ZNF428: variants seen among roughly 807,000 people sequenced by gnomAD.
ZNF428 encodes enzyme-like protein PIT13.
A neutral mutation model predicts 15.6 loss-of-function variants in ZNF428; 5 were observed. The observed-to-expected ratio is 0.32, with a 90% CI of 0.17 to 0.67. The LOEUF is 0.67. Ranked by LOEUF, ZNF428 falls within the 30% of genes least tolerant of loss-of-function variation. ZNF428 has a pLI of 0.73. For synonymous variants in ZNF428, 97 were observed against 102.2 expected (o/e 0.95, Z 0.31); for missense variants, 237 against 256.0 (o/e 0.93, Z 0.51).
intron 1 of ZNF428, among the ~76,000 whole-genome samples, chr19:43,615,381 GCCA>G (rs1973361883): frequency 6.6e-6 from 1 of 151,980 alleles, no homozygotes; most frequent in African/African-American, 2.4e-5. Context: ...ACAGGCGTGA[GCCA>G]CCACACCCGA....
chr19:43,612,289 C>T lies in ZNF428; in HGVS notation c.76+1940G>A. The T allele has an allele frequency of 6.4e-7, 1 of 1,551,700 alleles. No homozygotes were observed. The highest frequency in any genetic ancestry group is 1.2e-5 in the South Asian group (1 of 84,056). ...AACCAGCGACATCCCGTAACTCAGT[C>T]ATGAGCCCAAGCAGTTCCAAGTCCA... On this transcript the variant is annotated intron_variant, in intron 2 of 2. Coordinates refer to ENST00000300811, the MANE Select transcript of ZNF428 (RefSeq NM_182498.4). This position sits in a 1 kb window ranked among gnomAD's most constrained non-coding sequence, Gnocchi z 4.2.
intron 1 of ZNF428, among the ~76,000 whole-genome samples, chr19:43,617,908 T>C (rs1269787466): frequency 6.6e-6 from 1 of 151,922 alleles, no homozygotes; most frequent in Non-Finnish European, 1.5e-5. Context: ...GTCGCCCAGG[T>C]TGGAGCGCAG....
chr19:43,612,964 C>A lies in ZNF428; in HGVS notation c.76+1265G>T. 6.4e-7 allele frequency: 1 copy of A among 1,551,694 alleles called. No individual in the cohort carries two copies. On this transcript the variant is annotated intron_variant, in intron 2 of 2. Coordinates refer to ENST00000300811, the MANE Select transcript of ZNF428 (RefSeq NM_182498.4). The surrounding 1 kb of genome is among the most constrained non-coding windows in gnomAD (Gnocchi z 4.2). The stretch of plus-strand genomic sequence containing the variant: ...GCACCCGCAGCAGGCCGCAAAGTCA[C>A]AGCCAATCTAGAAGCCCCAGAAGGT...
rs1600086303 is a variant in ZNF428 at position 43,611,966 on chromosome 19, A to C, written c.76+2263T>G. ...TGGGACCCCTCCCCTCTCTCCTCCCACCTCTGACTTCATACCACTCACCCT... is the reference window on the plus strand; with the variant it reads ...TGGGACCCCTCCCCTCTCTCCTCCCCCCTCTGACTTCATACCACTCACCCT... On this transcript the variant is annotated intron_variant, in intron 2 of 2. Transcript: ENST00000300811. 6.3e-6 allele frequency: 4 copies of C among 637,914 alleles called. No homozygotes were observed. In the South Asian group the frequency reaches 7.8e-5, roughly 12 times the overall value. 39.5% of individuals were successfully genotyped at this position (637,914 alleles called of 1,614,324 possible).
rs1460495743 is a variant in ZNF428 at position 43,607,895 on chromosome 19, C to T, written c.289G>A (p.Gly97Ser). 6.4e-7 allele frequency: 1 copy of T among 1,562,444 alleles called. No homozygotes were observed. Among genetic ancestry groups the T allele is most frequent in the Admixed American group, 1.9e-5 (1 of 51,538 alleles). The change falls in exon 3 of 3, where the codon GGC (glycine) becomes AGC (serine). Residue 97 changes from glycine to serine, a missense_variant. Physicochemically the swap from Gly to Ser is moderately conservative, Grantham distance 56 (BLOSUM62 0). Coordinates refer to ENST00000300811, the MANE Select transcript of ZNF428 (RefSeq NM_182498.4). This position sits in a 1 kb window ranked among gnomAD's most constrained non-coding sequence, Gnocchi z 5.1. ...GGGGCCTCCCCAAGGGGTGAGCGGC[C>T]ACAGAGCTGGCAAGGCTGGGCCGGG... ...QPPAQPCQLC[G>S]RSPLGEAPPG...
intron 2 of ZNF428, chr19:43,613,443 G>T: frequency 6.5e-7 from 1 of 1,545,010 alleles, no homozygotes; most frequent in South Asian, 1.2e-5. Context: ...AGCCGATCTA[G>T]AAGTCCCTAC....
chr19:43,610,545 G>A (rs1352255256), intron 2 of ZNF428, among the ~76,000 whole-genome samples: 1 of 152,014 alleles, frequency 6.6e-6, no homozygotes, highest in Non-Finnish European at 1.5e-5. Context: ...ATTTACTTGT[G>A]TGTTTGTTTA....
At chr19:43,611,606 C>T (rs976505785) in intron 2 of ZNF428, among the ~76,000 whole-genome samples, 2 of 152,166 alleles carry the variant, frequency 1.3e-5, no homozygotes, top group East Asian at 1.9e-4. Context: ...AGGTGTGAGC[C>T]ACCGCGCCCA....
chr19:43,607,929 T>C lies in ZNF428; in HGVS notation c.255A>G (p.Ala85=). 1 of 1,576,570 alleles carries C rather than the reference T, an allele frequency of 6.3e-7. No homozygotes were observed. The highest frequency in any genetic ancestry group is 1.7e-4 in the Middle Eastern group (1 of 5,958). The change falls in exon 3 of 3, where the codon GCA becomes GCG. Residue 85 remains alanine (A), a synonymous_variant. Transcript: ENST00000300811. This position sits in a 1 kb window ranked among gnomAD's most constrained non-coding sequence, Gnocchi z 5.1. ...RGGPSRRAPR[A]AQPPAQPCQL... ...GGCAAGGCTGGGCCGGGGGCTGGGC[T>C]GCACGGGGGGCCCGGCGGGATGGGC... is the stretch of plus-strand genomic sequence containing the variant.
At chr19:43,609,256 T>C (rs1020765311) in intron 2 of ZNF428, among the ~76,000 whole-genome samples, 9 of 152,138 alleles carry the variant, frequency 5.9e-5, no homozygotes, top group African/African-American at 2.2e-4. Flanking sequence ...ACCTGGGCCA[T>C]GGCTGACACT....
chr19:43,612,152 A>G lies in ZNF428; in HGVS notation c.76+2077T>C, dbSNP rs891180552. On this transcript the variant is annotated intron_variant, in intron 2 of 2. Coordinates refer to ENST00000300811, the MANE Select transcript of ZNF428 (RefSeq NM_182498.4). This position sits in a 1 kb window ranked among gnomAD's most constrained non-coding sequence, Gnocchi z 4.2. ...TTCACCTAAGAGATCTTCAAAGCCC[A>G]GTATGTCTCTGGCACCCAGTGGATC... 6.4e-7 allele frequency: 1 copy of G among 1,551,586 alleles called. No homozygotes were observed. The highest frequency in any genetic ancestry group is 1.4e-5 in the African/African-American group (1 of 73,040).
rs1383283542 is a variant in ZNF428, at chr19:43,612,393, C to G, written c.76+1836G>C. 31 of 1,551,540 alleles carry G rather than the reference C, an allele frequency of 2.0e-5. No individual in the cohort carries two copies. The highest frequency in any genetic ancestry group is 2.6e-5 in the Non-Finnish European group (30 of 1,147,008). The stretch of plus-strand genomic sequence containing the variant: ...CGAGTCCGCAGCAAAGCAAGAACAC[C>G]CAGCAGGGTGAGCACCGACACCAGG... On this transcript the variant is annotated intron_variant, in intron 2 of 2. Coordinates refer to ENST00000300811, the MANE Select transcript of ZNF428 (RefSeq NM_182498.4). The surrounding 1 kb of genome is among the most constrained non-coding windows in gnomAD (Gnocchi z 4.2).
chr19:43,614,659 T>C (rs1973354637), intron 1 of ZNF428, among the ~76,000 whole-genome samples: 1 of 151,622 alleles, frequency 6.6e-6, no homozygotes, highest in Non-Finnish European at 1.5e-5. Flanking sequence ...AGTGCAGTGG[T>C]GTGATCTCAG....
intron 2 of ZNF428, among the ~76,000 whole-genome samples, chr19:43,610,413 T>C (rs1794409416): frequency 6.6e-6 from 1 of 151,986 alleles, no homozygotes; most frequent in South Asian, 2.1e-4. Context: ...TTGGCCAGGC[T>C]GGTCTCAAAC....
chr19:43,618,019 G>A (rs556460805), intron 1 of ZNF428, among the ~76,000 whole-genome samples: 2 of 136,906 alleles, frequency 1.5e-5, no homozygotes, highest in African/African-American at 5.6e-5. Flanking sequence ...GTGCCACCAT[G>A]CCCGGCTTTT....
In ZNF428 at chr19:43,609,804, T is replaced by C. The variant is rs115833223; in HGVS notation, c.77-1697A>G. 3.7e-3 allele frequency among the ~76,000 whole-genome samples: 568 copies of C among 151,742 alleles called. 3 individuals are homozygous for C. Among genetic ancestry groups the C allele is most frequent in the African/African-American group, 0.013 (547 of 41,362 alleles). On this transcript the variant is annotated intron_variant, in intron 2 of 2. Coordinates refer to ENST00000300811, the MANE Select transcript of ZNF428 (RefSeq NM_182498.4). ...ATATACGGAAAAGGGCGACATCAGC[T>C]GCCATTATGGGGGCGCACACACAGA... is the stretch of plus-strand genomic sequence containing the variant.
Position 43,607,877 on chromosome 19 carries a change from C to G in ZNF428, c.307G>C (p.Glu103Gln). The G allele has an allele frequency of 6.4e-7, 1 of 1,558,018 alleles. No homozygotes were observed. The part of the protein sequence containing the change: ...CQLCGRSPLG[E>Q]APPGTPPCRL... Reference sequence around the variant, plus strand: ...CAGGGTGGGGTTCCCGGTGGGGCCTCCCCAAGGGGTGAGCGGCCACAGAGC... The same window carrying G: ...CAGGGTGGGGTTCCCGGTGGGGCCTGCCCAAGGGGTGAGCGGCCACAGAGC... The change falls in exon 3 of 3, where the codon GAG (glutamate) becomes CAG (glutamine). Residue 103 changes from glutamate (E) to glutamine (Q), a missense_variant. Physicochemically the swap from Glu to Gln is conservative, Grantham distance 29. Transcript: ENST00000300811. The surrounding 1 kb of genome is among the most constrained non-coding windows in gnomAD (Gnocchi z 5.1).
chr19:43,608,043 A>C lies in ZNF428; in HGVS notation c.141T>G (p.Asp47Glu), dbSNP rs750279206. The change falls in exon 3 of 3, where the codon GAT (aspartate) becomes GAG (glutamate). Residue 47 changes from aspartate (D) to glutamate (E), a missense_variant. Coordinates refer to ENST00000300811, the MANE Select transcript of ZNF428 (RefSeq NM_182498.4). ...LSEPDSEEEE[D>E]EEEEEEETTD... ...TGGTCTCCTCTTCCTCCTCCTCCTC[A>C]TCTTCTTCCTCTTCGGAGTCCGGCT... 16 of 1,613,574 alleles carry C rather than the reference A, an allele frequency of 9.9e-6. No homozygotes were observed. In the East Asian group the frequency reaches 1.6e-4, roughly 16 times the overall value.
Position 43,614,248 on chromosome 19 carries a change from A to T in ZNF428, c.57T>A (p.Asp19Glu), listed in dbSNP as rs1192943862. Residue 19 changes from aspartate (D) to glutamate (E), a missense_variant, in exon 2 of 3, where the codon GAT (aspartate) becomes GAA (glutamate). Transcript: ENST00000300811. ...CCTTACCTGGGGAAAGGTCTTCATCATCTTCTTCCAAGCTGGCGTAGCCCC... is the reference window on the plus strand; with the variant it reads ...CCTTACCTGGGGAAAGGTCTTCATCTTCTTCTTCCAAGCTGGCGTAGCCCC... ...ETGGYASLEE[D>E]DEDLSPGPEH... 3 of 1,613,944 alleles carry T rather than the reference A, an allele frequency of 1.9e-6. No individual in the cohort carries two copies. Among genetic ancestry groups the T allele is most frequent in the Admixed American group, 1.7e-5 (1 of 59,978 alleles).
Sources: gnomAD v4.1 joint callset for allele counts (sites outside exome capture counted in the v4.1 genomes callset) on GRCh38, gnomAD v4.1.1 for gene constraint, Gnocchi (gnomAD v3.1) non-coding constraint, MANE v1.5 for transcripts, NCBI Gene and HGNC (gene_info 2026-07-23, HGNC 2026-07-21) for gene names.